The following P2RY8 variants were observed in gnomAD, a reference collection of about 807,000 sequenced individuals.
The protein encoded by P2RY8 is P2Y receptor family member 8.
In P2RY8, 6 loss-of-function variants were observed where a neutral mutation model predicts 10.0. The observed-to-expected ratio is 0.60, with a 90% CI of 0.33 to 1.19. P2RY8 has a LOEUF of 1.19. P2RY8 is among the 50% of genes most tolerant of loss of function. The pLI is 0.04. For missense variants in P2RY8, 456 were observed against 542.0 expected (o/e 0.84, Z 1.58); for synonymous variants, 276 against 252.5 (o/e 1.09, Z -0.88).
chrX:1,532,485 GTGT>G (rs2092485995), intron 1 of P2RY8, among the ~76,000 whole-genome samples: 1 of 11,520 alleles, frequency 8.7e-5, no homozygotes, highest in African/African-American at 3.3e-4. Context: ...AGATGTATAT[GTGT>G]ATATATACAC....
At chrX:1,518,296 G>A (rs2092365778) in intron 1 of P2RY8, among the ~76,000 whole-genome samples, 1 of 145,864 alleles carries the variant, frequency 6.9e-6, no homozygotes, top group Admixed American at 6.8e-5. Flanking sequence ...CATGGTGGCA[G>A]GTGCCTGCAA....
chrX:1,482,979 A>G lies in P2RY8; in HGVS notation c.-24-16397T>C, dbSNP rs2091952433. 3.9e-5 allele frequency among the ~76,000 whole-genome samples: 6 copies of G among 152,036 alleles called. 1 individual carries two copies. In the South Asian group the frequency reaches 1.2e-3, roughly 32 times the overall value. On this transcript the variant is annotated intron_variant, in intron 1 of 1. Transcript: ENST00000381297. The stretch of plus-strand genomic sequence containing the variant: ...GACGGGGGAGGGATAGCATTAGGAG[A>G]TATACCTAATGCTAAATGACGAGTT...
intron 1 of P2RY8, among the ~76,000 whole-genome samples, chrX:1,535,570 C>T (rs749675754): frequency 9.2e-5 from 14 of 152,010 alleles, no homozygotes; most frequent in Non-Finnish European, 1.3e-4. Flanking sequence ...AGAGATTGAA[C>T]GGCGCAGTCA....
chrX:1,532,390 G>GTATATATGTGTGTATATA (rs1190656024), intron 1 of P2RY8, among the ~76,000 whole-genome samples: 3 of 137,742 alleles, frequency 2.2e-5, no homozygotes, highest in Non-Finnish European at 3.3e-5. Context: ...GTGTGTATAT[G>GTATATATGTGTGTATATA]CACATATATG....
At chrX:1,512,375 C>T (rs1300684169) in intron 1 of P2RY8, among the ~76,000 whole-genome samples, 3 of 151,954 alleles carry the variant, frequency 2.0e-5, no homozygotes, top group East Asian at 3.9e-4. Context: ...GGTGAAACCC[C>T]ATCTCTACTA....
chrX:1,509,018 C>G (rs1486847022), intron 1 of P2RY8, among the ~76,000 whole-genome samples: 8 of 150,294 alleles, frequency 5.3e-5, no homozygotes, highest in African/African-American at 1.7e-4. Flanking sequence ...ATCCATCCAT[C>G]CATCCATCCA....
intron 1 of P2RY8, among the ~76,000 whole-genome samples, chrX:1,483,558 C>T (rs769646008): frequency 2.0e-5 from 3 of 152,138 alleles, no homozygotes; most frequent in South Asian, 2.1e-4. Flanking sequence ...TGCTTGAACC[C>T]GGGAGGCAGA....
intron 1 of P2RY8, among the ~76,000 whole-genome samples, chrX:1,515,981 G>C (rs1375619296): frequency 2.2e-5 from 3 of 135,754 alleles, no homozygotes; most frequent in East Asian, 4.9e-4. Context: ...TCAGGAGTTC[G>C]AGACCAGCCT....
chrX:1,527,198 T>A (rs1317453963), intron 1 of P2RY8, among the ~76,000 whole-genome samples: 1 of 152,060 alleles, frequency 6.6e-6, no homozygotes, highest in Non-Finnish European at 1.5e-5. Flanking sequence ...CCCAGCCTAT[T>A]CATTCATTTC....
intron 1 of P2RY8, among the ~76,000 whole-genome samples, chrX:1,533,594 AT>A (rs1227898624): frequency 2.3e-3 from 5 of 2,154 alleles, no homozygotes; most frequent in Admixed American, 0.029. Flanking sequence ...ATACTTATAT[AT>A]TTATTATTTA....
At chrX:1,493,797 T>C (rs5948813) in intron 1 of P2RY8, among the ~76,000 whole-genome samples, 139,793 of 152,192 alleles carry the variant, frequency 0.92, 65,353 homozygotes, top group East Asian at 1. Context: ...TTTTGCTCTT[T>C]TCTTGCGGCA....
chrX:1,505,493 C>T (rs1184180008), intron 1 of P2RY8, among the ~76,000 whole-genome samples: 2 of 152,160 alleles, frequency 1.3e-5, no homozygotes, highest in Non-Finnish European at 2.9e-5. Context: ...CTAGGTGTCT[C>T]ATCAACAATT....
chrX:1,505,612 A>C (rs1300503723), intron 1 of P2RY8, among the ~76,000 whole-genome samples: 1 of 152,178 alleles, frequency 6.6e-6, no homozygotes, highest in Non-Finnish European at 1.5e-5. Flanking sequence ...CAACATGGTG[A>C]AACTCCATCT....
intron 1 of P2RY8, among the ~76,000 whole-genome samples, chrX:1,534,719 C>T (rs1217693350): frequency 6.6e-6 from 1 of 152,150 alleles, no homozygotes; most frequent in African/African-American, 2.4e-5. Flanking sequence ...AGGGGGCCAT[C>T]TGCCCGGGGA....
At chrX:1,525,720 G>C (rs191692034) in intron 1 of P2RY8, among the ~76,000 whole-genome samples, 1 of 149,870 alleles carries the variant, frequency 6.7e-6, no homozygotes. Flanking sequence ...TTTATCCATC[G>C]GTTCATTCAT....
At chrX:1,526,544 C>T (rs1242662612) in intron 1 of P2RY8, among the ~76,000 whole-genome samples, 1 of 152,026 alleles carries the variant, frequency 6.6e-6, no homozygotes, top group Non-Finnish European at 1.5e-5. Context: ...ATCCACCACT[C>T]ATCCATCCAA....
intron 1 of P2RY8, among the ~76,000 whole-genome samples, chrX:1,476,288 AT>A (rs1386728143): frequency 2.0e-5 from 3 of 152,006 alleles, no homozygotes; most frequent in Admixed American, 6.6e-5. Flanking sequence ...TAGAAATATA[AT>A]GGGTCGGCTG....
At chrX:1,503,209 C>T (rs761852384) in intron 1 of P2RY8, among the ~76,000 whole-genome samples, 24 of 152,310 alleles carry the variant, frequency 1.6e-4, no homozygotes, top group Admixed American at 1.2e-3. Flanking sequence ...CTGGGAGAGA[C>T]AGGAAGGACC....
intron 1 of P2RY8, among the ~76,000 whole-genome samples, chrX:1,517,621 C>T (rs1259284661): frequency 3.9e-5 from 6 of 152,084 alleles, no homozygotes; most frequent in Admixed American, 2.0e-4. Flanking sequence ...TGTTGAGCTC[C>T]GGCAGAGAAG....
Sources: gnomAD v4.1 joint callset for allele counts (sites outside exome capture counted in the v4.1 genomes callset) on GRCh38, gnomAD v4.1.1 for gene constraint, MANE v1.5 for transcripts, NCBI Gene and HGNC (gene_info 2026-07-23, HGNC 2026-07-21) for gene names.